Variants in KIF24 observed in about 807,000 individuals in gnomAD.
The protein encoded by KIF24 is kinesin family member 24.
In KIF24, 81 loss-of-function variants were observed where a neutral mutation model predicts 118.9. The observed-to-expected ratio is 0.68, with a 90% CI of 0.57 to 0.82. The LOEUF is 0.82. Ranked by LOEUF, KIF24 falls within the 40% of genes least tolerant of loss-of-function variation. KIF24 has a pLI of 0.00. For synonymous variants in KIF24, 599 were observed against 610.0 expected, an observed-to-expected ratio of 0.98 and a Z score of 0.27; for missense variants, 1,560 against 1,661.6, an observed-to-expected ratio of 0.94 and a Z score of 1.06.
chr9:34,262,720 G>A, intron 9 of KIF24, among the ~76,000 whole-genome samples: 1 of 100,024 alleles, frequency 1.0e-5, no homozygotes, highest in Non-Finnish European at 1.8e-5. Context: ...ATATGGCCAG[G>A]CATGATGGCA....
rs1187006470 is a variant in KIF24, at chr9:34,256,080, G to A, written c.3527C>T (p.Ala1176Val). The A allele has an allele frequency of 3.7e-6, 6 of 1,613,976 alleles. No individual in the cohort carries two copies. Among genetic ancestry groups the A allele is most frequent in the Non-Finnish European group, 5.1e-6 (6 of 1,179,860 alleles). Reference sequence around the variant, plus strand: ...GGAGCCATCCAGCCCCGTCTCCTCTGCATCAGCATCATACTGCTCACTACC... The same window carrying A: ...GGAGCCATCCAGCCCCGTCTCCTCTACATCAGCATCATACTGCTCACTACC... ...HMGSEQYDAD[A>V]EETGLDGSWG... The change falls in exon 11 of 13, where the codon GCA becomes GTA. Residue 1176 changes from alanine (A) to valine (V), a missense_variant. Coordinates refer to ENST00000402558, the MANE Select transcript of KIF24 (RefSeq NM_194313.4).
intron 8 of KIF24, among the ~76,000 whole-genome samples, chr9:34,267,284 T>C (rs1296651759): frequency 6.6e-6 from 1 of 151,806 alleles, no homozygotes; most frequent in African/African-American, 2.4e-5. Flanking sequence ...ATAAATAAAA[T>C]AAAATAAAAA....
At position 34,257,761 on chromosome 9, in the gene KIF24, G is replaced by T. The variant is rs376543018; in HGVS notation, c.1846C>A (p.Pro616Thr). 6.7e-5 allele frequency: 108 copies of T among 1,614,004 alleles called. 1 individual carries two copies. The African/African-American group carries it at 1.1e-3, about 16-fold the overall frequency. Residue 616 changes from proline to threonine, a missense_variant, in exon 11 of 13, where the codon CCC (proline) becomes ACC (threonine). By Grantham distance (38) the Pro-to-Thr change is conservative. Coordinates refer to ENST00000402558, the MANE Select transcript of KIF24 (RefSeq NM_194313.4). ...GGTGCAGAAGTAAAAGGAATGTTGGGTGGGTGGCTGGTCAGAGGATGGACC... is the reference window on the plus strand; with the variant it reads ...GGTGCAGAAGTAAAAGGAATGTTGGTTGGGTGGCTGGTCAGAGGATGGACC... ...GKVHPLTSHP[P>T]NIPFTSAPKV...
At position 34,256,959 on chromosome 9, in the gene KIF24, C is replaced by A; in HGVS notation, c.2648G>T (p.Gly883Val). 6 of 1,614,024 alleles carry A rather than the reference C, an allele frequency of 3.7e-6. No individual in the cohort carries two copies. The highest frequency in any genetic ancestry group is 5.1e-6 in the Non-Finnish European group (6 of 1,179,906). ...QQSLFSSPRT[G>V]DKKDLTKSWV... ...GCTTTTAGTTAGATCTTTCTTGTCA[C>A]CTGTCCTGGGGCTAGAAAACAGACT... Residue 883 changes from glycine to valine, a missense_variant, in exon 11 of 13, where the codon GGT (glycine) becomes GTT (valine). Physicochemically the swap from Gly to Val is moderately radical, Grantham distance 109. Coordinates refer to ENST00000402558, the MANE Select transcript of KIF24 (RefSeq NM_194313.4).
chr9:34,316,088 A>T (rs745717806), intron 1 of KIF24, among the ~76,000 whole-genome samples: 7 of 152,066 alleles, frequency 4.6e-5, no homozygotes, highest in Non-Finnish European at 1.0e-4. Context: ...GTGGGGGCTC[A>T]TGCCTATAAT....
Position 34,255,057 on chromosome 9 carries a change from G to T in KIF24, c.3966+15C>A, listed in dbSNP as rs746568082. ...ATTCCCAACAGCCTGTGAGTGTCCA[G>T]CCAGGGCTACTTACATTAGAAGCCA... On this transcript the variant is annotated intron_variant, in intron 12 of 12. Transcript: ENST00000402558. 6 of 1,543,658 alleles carry T rather than the reference G, an allele frequency of 3.9e-6. No individual in the cohort carries two copies. The highest frequency in any genetic ancestry group is 5.3e-6 in the Non-Finnish European group (6 of 1,132,666).
At position 34,257,501 on chromosome 9, in the gene KIF24, C is replaced by T. The variant is rs1391145262; in HGVS notation, c.2106G>A (p.Lys702=). The T allele has an allele frequency of 6.2e-7, 1 of 1,613,952 alleles. No homozygotes were observed. The highest frequency in any genetic ancestry group is 1.3e-5 in the African/African-American group (1 of 74,954). ...EGLVRGKLST[K]CKKVQTVQPV... The stretch of plus-strand genomic sequence containing the variant: ...GCTGCACTGTCTGCACTTTCTTGCA[C>T]TTGGTGGACAGCTTACCACGCACTA... Residue 702 remains lysine, a synonymous_variant, in exon 11 of 13, where the codon AAG becomes AAA. Transcript: ENST00000402558.
Position 34,257,224 on chromosome 9 carries a change from G to A in KIF24, c.2383C>T (p.Pro795Ser). ...TCATTCGTGAGCTGACCCTCTGGGGGCCTGTACTGGCGTAAAGACCTTTTC... is the reference window on the plus strand; with the variant it reads ...TCATTCGTGAGCTGACCCTCTGGGGACCTGTACTGGCGTAAAGACCTTTTC... ...PLKRSLRQYR[P>S]PEGQLTNETP... The change falls in exon 11 of 13, where the codon CCC (proline) becomes TCC (serine). Residue 795 changes from proline to serine, a missense_variant. Physicochemically the swap from Pro to Ser is moderately conservative, Grantham distance 74. Coordinates refer to ENST00000402558, the MANE Select transcript of KIF24 (RefSeq NM_194313.4). 1 of 1,614,062 alleles carries A rather than the reference G, an allele frequency of 6.2e-7. No homozygotes were observed. The highest frequency in any genetic ancestry group is 8.5e-7 in the Non-Finnish European group (1 of 1,179,906).
At chr9:34,285,549 C>A (rs374542405) in intron 6 of KIF24, among the ~76,000 whole-genome samples, 2 of 151,434 alleles carry the variant, frequency 1.3e-5, no homozygotes, top group African/African-American at 2.4e-5. Flanking sequence ...CCAAGGTGGG[C>A]GGATCATGAG....
chr9:34,326,372 C>CA (rs1837673433), intron 1 of KIF24, among the ~76,000 whole-genome samples: 3 of 152,048 alleles, frequency 2.0e-5, no homozygotes, highest in Non-Finnish European at 4.4e-5. Flanking sequence ...GAAAACCCCC[C>CA]AAAAAACAGA....
intron 6 of KIF24, among the ~76,000 whole-genome samples, chr9:34,279,150 A>G (rs935827524): frequency 6.6e-6 from 1 of 152,170 alleles, no homozygotes; most frequent in Non-Finnish European, 1.5e-5. Context: ...AACATCATTC[A>G]GGGACTTAAT....
Position 34,263,181 on chromosome 9 carries a change from T to C in KIF24, c.1444-9A>G, listed in dbSNP as rs1418383808. On this transcript the variant is annotated splice_polypyrimidine_tract_variant and intron_variant, in intron 8 of 12. Transcript: ENST00000402558. ...CGGATACATTCCTTCAGCTGCAAAG[T>C]GGGAGAACAAGCACATCAAGTATCA... 6.2e-7 allele frequency: 1 copy of C among 1,610,076 alleles called. No individual in the cohort carries two copies. The highest frequency in any genetic ancestry group is 8.5e-7 in the Non-Finnish European group (1 of 1,177,232).
In KIF24 at chr9:34,282,297, A is replaced by T. The variant is rs1368914686; in HGVS notation, c.1215+4320T>A. The stretch of plus-strand genomic sequence containing the variant: ...CAGACAAAAGGTTGCATATTGTATA[A>T]TTCTGTTTATATGATACGGACAGAA... On this transcript the variant is annotated intron_variant, in intron 6 of 12. Coordinates refer to ENST00000402558, the MANE Select transcript of KIF24 (RefSeq NM_194313.4). Among the ~76,000 whole-genome samples, 3 of 152,204 alleles carry T rather than the reference A, an allele frequency of 2.0e-5. 1 individual carries two copies. Among genetic ancestry groups the T allele is most frequent in the Non-Finnish European group, 4.4e-5 (3 of 68,034 alleles).
chr9:34,311,214 C>G lies in KIF24; in HGVS notation c.133G>C (p.Val45Leu). Residue 45 changes from valine (V) to leucine (L), a missense_variant, in exon 2 of 13, where the codon GTC becomes CTC. Physicochemically the swap from Val to Leu is conservative, Grantham distance 32. Transcript: ENST00000402558. ...ITMKDYSKLG[V>L]HDMNDRKRLF... ...CGTTTGCGGTCGTTCATGTCATGGA[C>G]TCCTAATTTGGAGTAGTCCTTCATT... 1 of 1,613,324 alleles carries G rather than the reference C, an allele frequency of 6.2e-7. No homozygotes were observed. The highest frequency in any genetic ancestry group is 8.5e-7 in the Non-Finnish European group (1 of 1,179,500).
At chr9:34,328,873 G>A (rs1837771807) in intron 1 of KIF24, among the ~76,000 whole-genome samples, 2 of 152,238 alleles carry the variant, frequency 1.3e-5, no homozygotes, top group Admixed American at 1.3e-4. Context: ...GTCTCCCAAA[G>A]TGAGAGAAGT....
chr9:34,259,655 G>T lies in KIF24; in HGVS notation c.1566C>A (p.Asn522Lys). ...CAGTGGCCACGTGGCTTGGTGAGAT[G>T]TTGGCGATCATGCAGGTTTTGGCAT... ...IGNAKTCMIA[N>K]ISPSHVATEH... Residue 522 changes from asparagine to lysine, a missense_variant, in exon 10 of 13, where the codon AAC (asparagine) becomes AAA (lysine). By Grantham distance (94) the Asn-to-Lys change is moderately conservative. Around this residue, in one of 3 missense-constraint regions of KIF24, gnomAD observed 964 missense variants for 988.0 expected, o/e 0.98. Coordinates refer to ENST00000402558, the MANE Select transcript of KIF24 (RefSeq NM_194313.4). 1 of 1,614,006 alleles carries T rather than the reference G, an allele frequency of 6.2e-7. No homozygotes were observed. Among genetic ancestry groups the T allele is most frequent in the Non-Finnish European group, 8.5e-7 (1 of 1,179,866 alleles).
intron 1 of KIF24, among the ~76,000 whole-genome samples, chr9:34,320,332 C>CAAAAAAAA (rs66835823): frequency 1.0e-4 from 11 of 106,262 alleles, no homozygotes; most frequent in Non-Finnish European, 1.5e-4. Context: ...AATGTTCCAA[C>CAAAAAAAA]AAAAAAAAAA....
intron 1 of KIF24, chr9:34,319,184 G>A (rs1467818721): frequency 1.2e-6 from 2 of 1,605,212 alleles, no homozygotes; most frequent in Non-Finnish European, 1.7e-6. Flanking sequence ...GATGCCCCTG[G>A]CCCACAAGCT....
chr9:34,285,046 G>A (rs1024318602), intron 6 of KIF24, among the ~76,000 whole-genome samples: 2 of 152,076 alleles, frequency 1.3e-5, no homozygotes, highest in Admixed American at 6.5e-5. Context: ...ATATTTTACC[G>A]TGGACAGTGG....
Sources: allele counts gnomAD v4.1 joint callset (sites outside exome capture counted in the v4.1 genomes callset), GRCh38; gene constraint gnomAD v4.1.1; regional missense constraint gnomAD v4.1.1; transcripts MANE v1.5; gene names NCBI Gene and HGNC (gene_info 2026-07-23, HGNC 2026-07-21).